LINGO2: variants seen among roughly 807,000 people sequenced by gnomAD.
LINGO2 encodes the protein leucine-rich repeat and immunoglobulin-like domain-containing nogo receptor-interacting protein 2.
In LINGO2, 14 loss-of-function variants were observed where a neutral mutation model predicts 30.6. The observed-to-expected ratio is 0.46, with a 90% CI of 0.30 to 0.72. LINGO2 has a LOEUF of 0.72. LINGO2 is among the 30% of genes least tolerant of loss of function. The pLI is 0.07. For missense variants in LINGO2, 729 were observed against 751.7 expected, an observed-to-expected ratio of 0.97 and a Z score of 0.35; for synonymous variants, 317 against 288.5, an observed-to-expected ratio of 1.10 and a Z score of -1.00.
chr9:28,010,338 A>G lies in LINGO2; in HGVS notation c.-36+2017T>C, dbSNP rs532454725. On this transcript the variant is annotated intron_variant, in intron 5 of 5. Coordinates refer to ENST00000379992, the Ensembl canonical transcript of LINGO2. ...TGAGTTGTAACAGCATTGAGTCAGC[A>G]TGACTCTGCCCTAACATAGTTTGTA... Among the ~76,000 whole-genome samples, 34 of 152,326 alleles carry G rather than the reference A, an allele frequency of 2.2e-4. No individual in the cohort carries two copies. In the South Asian group the frequency reaches 7.0e-3, roughly 32 times the overall value.
At chr9:28,697,837 G>A in the LINGO2 span, among the ~76,000 whole-genome samples, 13 of 151,854 alleles carry the variant, frequency 8.6e-5, no homozygotes, top group African/African-American at 3.1e-4. Context: ...ATGCTTCCCT[G>A]GTTTTGGACA....
chr9:28,982,771 T>C, the LINGO2 span, among the ~76,000 whole-genome samples: 3 of 151,996 alleles, frequency 2.0e-5, no homozygotes, highest in African/African-American at 7.2e-5. Context: ...AATAGAATAA[T>C]AAGCATTATA....
Position 28,210,183 on chromosome 9 carries a change from G to A in LINGO2, c.-87+85025C>T, listed in dbSNP as rs151324822. 1.5e-4 allele frequency among the ~76,000 whole-genome samples: 22 copies of A among 151,630 alleles called. No individual in the cohort carries two copies. In the East Asian group the frequency reaches 4.1e-3, roughly 28 times the overall value. On this transcript the variant is annotated intron_variant, in intron 4 of 5. Transcript: ENST00000379992. ...AATTTCTAATGGCTTTGAGCTCTTG[G>A]AGGTGGCTACAGCTCTAGCCATGTG...
intron 1 of LINGO2, among the ~76,000 whole-genome samples, chr9:28,623,692 C>T (rs1826519991): frequency 6.6e-6 from 1 of 151,836 alleles, no homozygotes. Context: ...TTTTGTGCTT[C>T]CATATAAATT....
At chr9:28,629,342 T>C (rs1478070129) in intron 1 of LINGO2, among the ~76,000 whole-genome samples, 1 of 152,152 alleles carries the variant, frequency 6.6e-6, no homozygotes, top group East Asian at 1.9e-4. Context: ...TTTGGTAAGT[T>C]TGTGTCCATC....
the LINGO2 span, among the ~76,000 whole-genome samples, chr9:29,057,866 C>T: frequency 6.6e-6 from 1 of 152,118 alleles, no homozygotes; most frequent in Non-Finnish European, 1.5e-5. Context: ...CCAGGGCATT[C>T]GGTAGAAAAC....
At chr9:28,816,013 T>C in the LINGO2 span, among the ~76,000 whole-genome samples, 6 of 152,164 alleles carry the variant, frequency 3.9e-5, no homozygotes, top group Non-Finnish European at 8.8e-5. Flanking sequence ...GGGAGCCTCC[T>C]TGCTACAGCA....
At chr9:28,036,975 A>G (rs984060991) in intron 4 of LINGO2, among the ~76,000 whole-genome samples, 3 of 152,218 alleles carry the variant, frequency 2.0e-5, no homozygotes, top group Non-Finnish European at 4.4e-5. Flanking sequence ...AGACAAGTGT[A>G]ACATTTACTG....
At chr9:29,012,432 G>T in the LINGO2 span, among the ~76,000 whole-genome samples, 38 of 152,206 alleles carry the variant, frequency 2.5e-4, 1 homozygote, top group South Asian at 7.7e-3. Context: ...AGTTCACCTA[G>T]TGAGTTGTAA....
chr9:28,025,248 C>A (rs1823321855), intron 4 of LINGO2, among the ~76,000 whole-genome samples: 1 of 152,090 alleles, frequency 6.6e-6, no homozygotes, highest in African/African-American at 2.4e-5. Flanking sequence ...CTGAGAAGAC[C>A]AAGACAAAAT....
chr9:28,148,250 C>G lies in LINGO2; in HGVS notation c.-86-135845G>C. The G allele has an allele frequency of 1.4e-6, 1 of 739,228 alleles. No individual in the cohort carries two copies. The highest frequency in any genetic ancestry group is 2.2e-6 in the Non-Finnish European group (1 of 453,838). 45.8% of individuals were successfully genotyped at this position (739,228 alleles called of 1,614,324 possible). ...TATCCCTCGGAACATGGGCACCCCA[C>G]AGAGGGTCCTGTCTCCTGTGGTCTG... On this transcript the variant is annotated intron_variant, in intron 4 of 5. Coordinates refer to ENST00000379992, the Ensembl canonical transcript of LINGO2. This position sits in a 1 kb window ranked among gnomAD's most constrained non-coding sequence, Gnocchi z 5.1.
the LINGO2 span, among the ~76,000 whole-genome samples, chr9:29,189,675 G>A: frequency 2.0e-5 from 3 of 152,024 alleles, no homozygotes; most frequent in Admixed American, 6.5e-5. Context: ...GCTGGGAGGT[G>A]GTTGTAGCGA....
At chr9:28,910,648 G>A in the LINGO2 span, among the ~76,000 whole-genome samples, 1 of 152,020 alleles carries the variant, frequency 6.6e-6, no homozygotes. Context: ...TGCCAGCCAT[G>A]TGAAGATGTG....
chr9:28,647,505 T>A (rs1588020856), intron 1 of LINGO2, among the ~76,000 whole-genome samples: 1 of 152,142 alleles, frequency 6.6e-6, no homozygotes, highest in African/African-American at 2.4e-5. Flanking sequence ...TAATACTTTA[T>A]AATGTACTTT....
intron 1 of LINGO2, among the ~76,000 whole-genome samples, chr9:28,633,720 T>C (rs1827110352): frequency 6.6e-6 from 1 of 152,138 alleles, no homozygotes; most frequent in African/African-American, 2.4e-5. Flanking sequence ...CTTCCAACAA[T>C]AAACTAATAA....
At chr9:28,112,069 C>T (rs1261175452) in intron 4 of LINGO2, among the ~76,000 whole-genome samples, 2 of 103,764 alleles carry the variant, frequency 1.9e-5, no homozygotes, top group Non-Finnish European at 3.9e-5. Context: ...CTCCCCCGAC[C>T]CCACCACAGT....
At chr9:28,271,530 C>T (rs1822940700) in intron 4 of LINGO2, among the ~76,000 whole-genome samples, 1 of 152,134 alleles carries the variant, frequency 6.6e-6, no homozygotes. Context: ...GATAGAATAA[C>T]TTCAAAATAT....
At chr9:29,179,158 AATATATATATATATATATATATAT>A in the LINGO2 span, among the ~76,000 whole-genome samples, 154 of 101,636 alleles carry the variant, frequency 1.5e-3, 3 homozygotes, top group African/African-American at 6.2e-3. Context: ...TCTTACTGTA[AATATATATATATATATATATATAT>A]ATATATATAT....
rs1826262733 is a variant in LINGO2 at position 28,488,539 on chromosome 9, G to A, written c.-364-12514C>T. Reference sequence around the variant, plus strand: ...TAAGGTCTTAGCACTGCCATTAATTGTTTATATATTAAGCAGGTTATTTGA... The same window carrying A: ...TAAGGTCTTAGCACTGCCATTAATTATTTATATATTAAGCAGGTTATTTGA... On this transcript the variant is annotated intron_variant, in intron 1 of 5. Transcript: ENST00000379992. Among the ~76,000 whole-genome samples the A allele has an allele frequency of 3.3e-5, 5 of 152,164 alleles. No homozygotes were observed. The South Asian group carries it at 8.3e-4, about 25-fold the overall frequency.
Sources: gnomAD v4.1 joint callset for allele counts (sites outside exome capture counted in the v4.1 genomes callset) on GRCh38, gnomAD v4.1.1 for gene constraint, Gnocchi (gnomAD v3.1) non-coding constraint, MANE v1.5 for transcripts, NCBI Gene and HGNC (gene_info 2026-07-23, HGNC 2026-07-21) for gene names.